MTUS1: variants seen among roughly 807,000 people sequenced by gnomAD.
MTUS1 encodes the protein microtubule-associated tumor suppressor 1.
Under a neutral mutation model 120.8 loss-of-function variants are expected in MTUS1, and 109 were observed. The ratio of observed to expected loss-of-function variants is 0.90; its 90% CI spans 0.77 to 1.06. The LOEUF (loss-of-function observed/expected upper bound fraction) is 1.06. Ranked by LOEUF, MTUS1 falls within the 50% of genes least tolerant of loss-of-function variation. The pLI is 0.00. For synonymous variants in MTUS1, 737 were observed against 550.5 expected (o/e 1.34, Z -4.74); for missense variants, 2,210 against 1,486.3 (o/e 1.49, Z -8.01).
In MTUS1 at chr8:17,684,854, T is replaced by C. The variant is rs566658578; in HGVS notation, c.2624-312A>G. 2.5e-3 allele frequency among the ~76,000 whole-genome samples: 385 copies of C among 152,298 alleles called. 1 individual carries two copies. Among genetic ancestry groups the C allele is most frequent in the African/African-American group, 8.9e-3 (370 of 41,560 alleles). On this transcript the variant is annotated intron_variant, in intron 6 of 14. Coordinates refer to ENST00000693296, the MANE Select transcript of MTUS1 (RefSeq NM_001363059.2). The stretch of plus-strand genomic sequence containing the variant: ...AAAATGTTGTTCTCCTCGTTTCTCA[T>C]TTTCCAGTTAAATTGGTAGAGAAAC...
At chr8:17,706,275 T>C (rs554248043) in intron 6 of MTUS1, 16 of 152,290 alleles carry the variant, frequency 1.1e-4, no homozygotes, top group African/African-American at 3.6e-4. Flanking sequence ...TGGGAATTAT[T>C]TCCCCAATAT....
At chr8:17,694,618 A>G (rs1303137553) in intron 6 of MTUS1, among the ~76,000 whole-genome samples, 1 of 152,134 alleles carries the variant, frequency 6.6e-6, no homozygotes, top group African/African-American at 2.4e-5. Context: ...CAGTGGGCCC[A>G]GACAGCACCA....
Position 17,754,180 on chromosome 8 carries a change from G to A in MTUS1, c.1628C>T (p.Ser543Leu). 6.2e-7 allele frequency: 1 copy of A among 1,613,992 alleles called. No homozygotes were observed. The highest frequency in any genetic ancestry group is 8.5e-7 in the Non-Finnish European group (1 of 1,180,024). The change falls in exon 2 of 15, where the codon TCA (serine) becomes TTA (leucine). Residue 543 changes from serine to leucine, a missense_variant. Ser to Leu is a moderately radical substitution (Grantham distance 145). Coordinates refer to ENST00000693296, the MANE Select transcript of MTUS1 (RefSeq NM_001363059.2). Reference protein sequence around the residue: ...RPQQTSASSPSSVNSRQQTVL... With the variant: ...RPQQTSASSPLSVNSRQQTVL... Reference sequence around the variant, plus strand: ...TGTTTGTTGTCTTGAATTCACTGATGAGGGTGATGAGGCACTGGTCTGCTG... The same window carrying A: ...TGTTTGTTGTCTTGAATTCACTGATAAGGGTGATGAGGCACTGGTCTGCTG...
chr8:17,779,574 C>A (rs1586361273), intron 1 of MTUS1, among the ~76,000 whole-genome samples: 3 of 152,110 alleles, frequency 2.0e-5, no homozygotes, highest in Admixed American at 2.0e-4. Flanking sequence ...TAATGACACT[C>A]ACTCACTCTC....
At chr8:17,677,037 T>C (rs1813272561) in intron 7 of MTUS1, among the ~76,000 whole-genome samples, 1 of 152,162 alleles carries the variant, frequency 6.6e-6, no homozygotes, top group South Asian at 2.1e-4. Context: ...AAGACCCACT[T>C]TTCACTGAGT....
At chr8:17,698,960 T>G (rs1818499405) in intron 6 of MTUS1, among the ~76,000 whole-genome samples, 1 of 152,104 alleles carries the variant, frequency 6.6e-6, no homozygotes, top group African/African-American at 2.4e-5. Flanking sequence ...AGTTTATTAT[T>G]AAAAAACCTG....
intron 1 of MTUS1, among the ~76,000 whole-genome samples, chr8:17,789,409 G>A (rs1355547093): frequency 6.6e-6 from 1 of 152,116 alleles, no homozygotes; most frequent in Non-Finnish European, 1.5e-5. Flanking sequence ...AGGGACGTGG[G>A]GGTAGATCGC....
intron 6 of MTUS1, chr8:17,697,646 C>T (rs916551308): frequency 8.4e-7 from 1 of 1,196,258 alleles, no homozygotes; most frequent in African/African-American, 1.5e-5. Context: ...GGTCTAGAAG[C>T]TGCCTCTGAA....
At chr8:17,742,024 G>A (rs2047353087) in intron 3 of MTUS1, among the ~76,000 whole-genome samples, 1 of 152,290 alleles carries the variant, frequency 6.6e-6, no homozygotes, top group East Asian at 1.9e-4. Flanking sequence ...TCACAGAGGA[G>A]GAAGGGAGCT....
intron 1 of MTUS1, among the ~76,000 whole-genome samples, chr8:17,773,756 C>T (rs2050188539): frequency 6.6e-6 from 1 of 152,130 alleles, no homozygotes. Flanking sequence ...TTGGGAGTCA[C>T]ATTCAAATCA....
At position 17,644,231 on chromosome 8, in the gene MTUS1, T is replaced by C. The variant is rs1276635970; in HGVS notation, c.*1695A>G. ...CAAACATGGAAGGTTACATACATGA[T>C]GAAGTATTGGAAGTTAAAGACTTAA... On this transcript the variant is annotated 3_prime_UTR_variant, in exon 15 of 15. Transcript: ENST00000693296. The C allele has an allele frequency of 6.6e-6, 1 of 152,552 alleles. No individual in the cohort carries two copies. Among genetic ancestry groups the C allele is most frequent in the Non-Finnish European group, 1.5e-5 (1 of 68,032 alleles). 9.4% of individuals were successfully genotyped at this position (152,552 alleles called of 1,614,324 possible).
chr8:17,684,068 G>A (rs1022075609), intron 7 of MTUS1, among the ~76,000 whole-genome samples: 8 of 152,146 alleles, frequency 5.3e-5, no homozygotes, highest in Admixed American at 3.9e-4. Flanking sequence ...ACCGGCGTAA[G>A]AGGCAATTAT....
intron 12 of MTUS1, among the ~76,000 whole-genome samples, chr8:17,650,789 C>T (rs560376001): frequency 6.6e-6 from 1 of 152,174 alleles, no homozygotes; most frequent in African/African-American, 2.4e-5. Flanking sequence ...GATTTCCCAC[C>T]ACCGCCCACC....
chr8:17,653,572 T>C (rs2130189207), intron 10 of MTUS1, 74 bp from the exon 11 acceptor site: 2 of 1,080,212 alleles, frequency 1.9e-6, no homozygotes, highest in Admixed American at 4.1e-5. Context: ...AGTTAAAGCA[T>C]ATAGATGTAG....
rs1457108746 is a variant in MTUS1, at chr8:17,705,404, G to C, written c.2623+7810C>G. Among the ~76,000 whole-genome samples, 6 of 152,106 alleles carry C rather than the reference G, an allele frequency of 3.9e-5. No homozygotes were observed. The East Asian group carries it at 5.8e-4, about 15-fold the overall frequency. On this transcript the variant is annotated intron_variant, in intron 6 of 14. Transcript: ENST00000693296. ...ATTCTTAGTGTTTTAATTACTTTGTGTGTTTAAAACTAATTTATCTGAAAT... is the reference window on the plus strand; with the variant it reads ...ATTCTTAGTGTTTTAATTACTTTGTCTGTTTAAAACTAATTTATCTGAAAT...
intron 6 of MTUS1, among the ~76,000 whole-genome samples, chr8:17,687,000 A>C (rs1017772123): frequency 6.6e-5 from 10 of 152,216 alleles, no homozygotes; most frequent in Admixed American, 2.0e-4. Context: ...TGAAGGAAAT[A>C]GTCTATGCAG....
At chr8:17,736,315 T>C (rs969447031) in intron 3 of MTUS1, among the ~76,000 whole-genome samples, 1 of 152,198 alleles carries the variant, frequency 6.6e-6, no homozygotes, top group Non-Finnish European at 1.5e-5. Flanking sequence ...TGGTTGGTCC[T>C]GACCTCCTCC....
rs1805459179 is a variant in MTUS1 at position 17,644,693 on chromosome 8, A to G, written c.*1233T>C. On this transcript the variant is annotated 3_prime_UTR_variant, in exon 15 of 15. Transcript: ENST00000693296. The stretch of plus-strand genomic sequence containing the variant: ...TCTATCAAGTACTGCATCATCGGTA[A>G]GCACTGAATCCTACCTTTCTTAATT... 1.3e-5 allele frequency: 2 copies of G among 152,220 alleles called. No individual in the cohort carries two copies. The highest frequency in any genetic ancestry group is 4.8e-5 in the African/African-American group (2 of 41,466). The allele number at this position is 152,220 out of a possible 1,614,324, so 9.4% of individuals were successfully genotyped here.
At chr8:17,774,640 G>A (rs1386707500) in intron 1 of MTUS1, among the ~76,000 whole-genome samples, 1 of 152,182 alleles carries the variant, frequency 6.6e-6, no homozygotes, top group Non-Finnish European at 1.5e-5. Flanking sequence ...GTTGCTGGTG[G>A]AAATGTCAAG....
Sources: allele counts gnomAD v4.1 joint callset (sites outside exome capture counted in the v4.1 genomes callset), GRCh38; gene constraint gnomAD v4.1.1; transcripts MANE v1.5; gene names NCBI Gene and HGNC (gene_info 2026-07-23, HGNC 2026-07-21).